Variants in CARM1 observed in about 807,000 individuals in gnomAD.
CARM1 encodes histone-arginine methyltransferase CARM1.
Under a neutral mutation model 72.7 loss-of-function variants are expected in CARM1, and 14 were observed. The observed-to-expected ratio is 0.19, with a 90% confidence interval of 0.13 to 0.30. CARM1 has a LOEUF of 0.30. Ranked by LOEUF, CARM1 falls within the 10% of genes least tolerant of loss-of-function variation. CARM1 has a pLI of 1.00. For missense variants in CARM1, 432 were observed against 833.7 expected (o/e 0.52, Z 5.93); for synonymous variants, 333 against 345.5 (o/e 0.96, Z 0.40).
At position 10,877,951 on chromosome 19, in the gene CARM1, C is replaced by T. The variant is rs530633374; in HGVS notation, c.220+6029C>T. Among the ~76,000 whole-genome samples, 9 of 152,288 alleles carry T rather than the reference C, an allele frequency of 5.9e-5. No homozygotes were observed. In the South Asian group the frequency reaches 8.3e-4, roughly 14 times the overall value. ...CTAACTCCTGGGCTCAAGTGATCCT[C>T]TGGCCTCATCCTCCCAAGTAGCTGG... On this transcript the variant is annotated intron_variant, in intron 1 of 15. Coordinates refer to ENST00000327064, the MANE Select transcript of CARM1 (RefSeq NM_199141.2).
chr19:10,892,090 G>A (rs886733753), intron 1 of CARM1, among the ~76,000 whole-genome samples: 4 of 152,262 alleles, frequency 2.6e-5, no homozygotes, highest in African/African-American at 7.2e-5. Flanking sequence ...GTTGTGGCTC[G>A]ATCATTTAAC....
intron 1 of CARM1, among the ~76,000 whole-genome samples, chr19:10,880,949 G>A (rs1483153356): frequency 6.8e-6 from 1 of 147,952 alleles, no homozygotes; most frequent in Non-Finnish European, 1.5e-5. Flanking sequence ...GGCGGTTTGA[G>A]TCCAGGAATT....
At chr19:10,885,211 C>T (rs780837067) in intron 1 of CARM1, among the ~76,000 whole-genome samples, 2 of 152,222 alleles carry the variant, frequency 1.3e-5, no homozygotes, top group African/African-American at 2.4e-5. Context: ...TGCTGCCAGG[C>T]GGGGCATTCT....
Position 10,920,258 on chromosome 19 carries a change from T to C in CARM1, c.1197-178T>C, listed in dbSNP as rs116209279. ...TGGTTGCGGGCCCCTCGTGTGTACA[T>C]GTATGCCTGCTCATGTTTGTGTCTG... On this transcript the variant is annotated intron_variant, in intron 10 of 15. Transcript: ENST00000327064. This position sits in a 1 kb window ranked among gnomAD's most constrained non-coding sequence, Gnocchi z 5.3. Among the ~76,000 whole-genome samples, 558 of 152,180 alleles carry C rather than the reference T, an allele frequency of 3.7e-3. 6 individuals are homozygous for C. The highest frequency in any genetic ancestry group is 0.012 in the African/African-American group (481 of 41,518).
At chr19:10,903,586 A>C (rs2074081935) in intron 1 of CARM1, among the ~76,000 whole-genome samples, 1 of 148,906 alleles carries the variant, frequency 6.7e-6, no homozygotes. Context: ...TTTTAATAGG[A>C]TCTCACGTCT....
In CARM1 at chr19:10,916,747, G is replaced by A. The variant is rs201878531; in HGVS notation, c.990G>A (p.Ala330=). 7.9e-5 allele frequency: 123 copies of A among 1,552,178 alleles called. 1 individual carries two copies. The East Asian group carries it at 1.7e-3, about 22-fold the overall frequency. ...ACCTGTCGGCCCTCCGAGGTGCCGC[G>A]GTGGATGAGTATTTCCGGCAGCCTG... ...GVDLSALRGA[A]VDEYFRQPVV... The change falls in exon 8 of 16, where the codon GCG becomes GCA. Residue 330 remains alanine, a synonymous_variant. Coordinates refer to ENST00000327064, the MANE Select transcript of CARM1 (RefSeq NM_199141.2). The surrounding 1 kb of genome is among the most constrained non-coding windows in gnomAD (Gnocchi z 4.4).
intron 8 of CARM1, chr19:10,919,148 T>C (rs1209548498): frequency 6.4e-6 from 1 of 156,014 alleles, no homozygotes; most frequent in Non-Finnish European, 1.4e-5. Flanking sequence ...GTTCTTTAAC[T>C]TGCTTTTTTG....
chr19:10,920,366 A>C lies in CARM1; in HGVS notation c.1197-70A>C. The C allele has an allele frequency of 6.5e-7, 1 of 1,546,902 alleles. No individual in the cohort carries two copies. The highest frequency in any genetic ancestry group is 8.8e-7 in the Non-Finnish European group (1 of 1,138,698). ...GGGGCAGGTGCTTGGGGAGGACTCA[A>C]GGCATACAAGGTGGTGGCTCCAGTG... On this transcript the variant is annotated intron_variant, in intron 10 of 15. Transcript: ENST00000327064. This position sits in a 1 kb window ranked among gnomAD's most constrained non-coding sequence, Gnocchi z 5.3.
intron 1 of CARM1, among the ~76,000 whole-genome samples, chr19:10,885,449 G>T (rs938888233): frequency 6.6e-6 from 1 of 152,176 alleles, no homozygotes; most frequent in Non-Finnish European, 1.5e-5. Context: ...ATGTGCAAGC[G>T]TAGTGGTTTT....
At chr19:10,894,448 T>A (rs990207556) in intron 1 of CARM1, among the ~76,000 whole-genome samples, 3 of 152,146 alleles carry the variant, frequency 2.0e-5, no homozygotes, top group African/African-American at 7.2e-5. Context: ...ACTCTCCTCC[T>A]TTGATCGGGA....
chr19:10,917,272 G>A (rs528231775), intron 8 of CARM1, among the ~76,000 whole-genome samples: 6 of 152,130 alleles, frequency 3.9e-5, no homozygotes, highest in Admixed American at 1.3e-4. Flanking sequence ...AGATCACGAG[G>A]TTAGGAGATT....
Position 10,908,756 on chromosome 19 carries a change from C to T in CARM1, c.454-347C>T, listed in dbSNP as rs143971225. 3.9e-4 allele frequency: 97 copies of T among 247,620 alleles called. 1 individual carries two copies. In the East Asian group the frequency reaches 7.5e-3, roughly 19 times the overall value. The allele number at this position is 247,620 out of a possible 1,614,324, so 15.3% of individuals were successfully genotyped here. On this transcript the variant is annotated intron_variant, in intron 3 of 15. Transcript: ENST00000327064. ...GCGCTCTGAGTTCTAGGGCTCTGTT[C>T]GATCTGCTTCTCTTCTTCTTTGGGG...
chr19:10,911,869 G>A (rs990475024), intron 4 of CARM1, among the ~76,000 whole-genome samples: 1 of 152,202 alleles, frequency 6.6e-6, no homozygotes, highest in African/African-American at 2.4e-5. Flanking sequence ...CTAGAACTGC[G>A]GAGGCCCCGG....
intron 2 of CARM1, 138 bp downstream of exon 2, chr19:10,905,214 C>T: frequency 9.6e-7 from 1 of 1,044,176 alleles, no homozygotes; most frequent in Non-Finnish European, 1.4e-6. Flanking sequence ...CACATTCCCA[C>T]ATGCAGGTAT....
At chr19:10,874,769 C>A (rs2146294730) in intron 1 of CARM1, among the ~76,000 whole-genome samples, 1 of 152,226 alleles carries the variant, frequency 6.6e-6, no homozygotes, top group East Asian at 1.9e-4. Context: ...CACCTGTAAT[C>A]CCAGCACTTT....
At chr19:10,879,032 C>A (rs1296618542) in intron 1 of CARM1, among the ~76,000 whole-genome samples, 4 of 152,126 alleles carry the variant, frequency 2.6e-5, no homozygotes, top group Non-Finnish European at 5.9e-5. Context: ...TTCTCAAACT[C>A]CTGACCTCAG....
rs746931962 is a variant in CARM1, at chr19:10,920,846, A to G, written c.1437A>G (p.Thr479=). The change falls in exon 13 of 16, where the codon ACA becomes ACG. Residue 479 remains threonine (T), a synonymous_variant. Transcript: ENST00000327064. The surrounding 1 kb of genome is among the most constrained non-coding windows in gnomAD (Gnocchi z 5.3). ...GTCTCTGCCATAGATACACGGGCACAACGCCCTCACCCCCACCCGGCTCCC... is the reference window on the plus strand; with the variant it reads ...GTCTCTGCCATAGATACACGGGCACGACGCCCTCACCCCCACCCGGCTCCC... ...LKNPFFRYTG[T]TPSPPPGSHY... The G allele has an allele frequency of 1.2e-6, 2 of 1,614,026 alleles. No homozygotes were observed. Among genetic ancestry groups the G allele is most frequent in the African/African-American group, 2.7e-5 (2 of 74,926 alleles).
intron 1 of CARM1, among the ~76,000 whole-genome samples, chr19:10,899,963 C>A (rs747556448): frequency 1.3e-5 from 2 of 152,016 alleles, no homozygotes; most frequent in Non-Finnish European, 2.9e-5. Flanking sequence ...TCAAGTGATC[C>A]GCCCACCTCC....
At chr19:10,875,229 C>T (rs1279457527) in intron 1 of CARM1, among the ~76,000 whole-genome samples, 3 of 152,172 alleles carry the variant, frequency 2.0e-5, no homozygotes, top group Non-Finnish European at 4.4e-5. Context: ...AAAATCCTTG[C>T]ATCTTCCAGA....
Sources: allele counts gnomAD v4.1 joint callset (sites outside exome capture counted in the v4.1 genomes callset), GRCh38; gene constraint gnomAD v4.1.1; non-coding constraint Gnocchi (gnomAD v3.1); transcripts MANE v1.5; gene names NCBI Gene and HGNC (gene_info 2026-07-23, HGNC 2026-07-21).